The following CDH13 variants were observed in gnomAD, a reference collection of about 807,000 sequenced individuals.
The protein encoded by CDH13 is cadherin 13.
A neutral mutation model predicts 63.8 loss-of-function variants in CDH13; 24 were observed. The ratio of observed to expected loss-of-function variants is 0.38; its 90% CI spans 0.27 to 0.53. CDH13 has a LOEUF of 0.53. CDH13 is among the 20% of genes least tolerant of loss of function. The pLI is 0.85. For synonymous variants in CDH13, 503 were observed against 355.3 expected (o/e 1.42, Z -4.67); for missense variants, 1,049 against 903.1 (o/e 1.16, Z -2.07).
chr16:83,662,955 G>T (rs1323245746), intron 8 of CDH13, among the ~76,000 whole-genome samples: 2 of 152,140 alleles, frequency 1.3e-5, no homozygotes, highest in Non-Finnish European at 2.9e-5. Context: ...TTGTCTTTGA[G>T]TCCCAGAAAA....
chr16:83,092,753 G>C (rs1392057826), intron 3 of CDH13, among the ~76,000 whole-genome samples: 1 of 152,132 alleles, frequency 6.6e-6, no homozygotes, highest in Admixed American at 6.5e-5. Context: ...TTACCCCAAA[G>C]AGTAGGAAGC....
At chr16:82,999,137 T>C (rs1233065386) in intron 2 of CDH13, among the ~76,000 whole-genome samples, 2 of 152,186 alleles carry the variant, frequency 1.3e-5, no homozygotes, top group Non-Finnish European at 2.9e-5. Context: ...TATGTTACAT[T>C]CTTTGGACTT....
At chr16:83,345,688 A>G (rs186300527) in intron 6 of CDH13, among the ~76,000 whole-genome samples, 10 of 152,352 alleles carry the variant, frequency 6.6e-5, no homozygotes, top group African/African-American at 2.4e-4. Flanking sequence ...TCCCACAGCC[A>G]GCAGCTGAAG....
intron 1 of CDH13, among the ~76,000 whole-genome samples, chr16:82,810,736 C>T (rs530465696): frequency 2.0e-5 from 3 of 151,968 alleles, no homozygotes; most frequent in South Asian, 4.2e-4. Context: ...GTGGGTTTTG[C>T]GTGTGAAGAG....
intron 1 of CDH13, among the ~76,000 whole-genome samples, chr16:82,670,236 C>G (rs957353654): frequency 3.4e-4 from 51 of 152,200 alleles, no homozygotes; most frequent in African/African-American, 1.2e-3. Context: ...TTGCAAATCC[C>G]TAGTCGGAAC....
intron 1 of CDH13, among the ~76,000 whole-genome samples, chr16:82,676,486 C>CTTT (rs11330492): frequency 3.5e-4 from 34 of 96,316 alleles, no homozygotes; most frequent in East Asian, 6.7e-4. Context: ...ACCATCATTT[C>CTTT]TTTTTTTTTT....
intron 4 of CDH13, among the ~76,000 whole-genome samples, chr16:83,198,096 T>C (rs181376491): frequency 1.4e-4 from 22 of 152,304 alleles, no homozygotes; most frequent in Admixed American, 1.2e-3. Flanking sequence ...CAGTAGGACA[T>C]TGAGCATCTT....
intron 5 of CDH13, among the ~76,000 whole-genome samples, chr16:83,244,063 A>C (rs11150559): frequency 0.33 from 50,841 of 151,852 alleles, 9,377 homozygotes; most frequent in African/African-American, 0.48. Context: ...CCAAAATTAG[A>C]AACATACATA....
intron 5 of CDH13, among the ~76,000 whole-genome samples, chr16:83,247,953 G>A (rs1477310695): frequency 6.6e-6 from 1 of 152,150 alleles, no homozygotes; most frequent in Non-Finnish European, 1.5e-5. Context: ...CTCTGTTTCT[G>A]CACGCTCCAT....
At chr16:83,041,608 G>A (rs1225806599) in intron 3 of CDH13, among the ~76,000 whole-genome samples, 1 of 152,276 alleles carries the variant, frequency 6.6e-6, no homozygotes, top group East Asian at 1.9e-4. Context: ...TAAGTACCTT[G>A]AGGAAAACCT....
At chr16:83,321,502 T>A (rs957747354) in intron 5 of CDH13, among the ~76,000 whole-genome samples, 4 of 151,614 alleles carry the variant, frequency 2.6e-5, no homozygotes, top group Non-Finnish European at 5.9e-5. Flanking sequence ...CATTTTTTTT[T>A]CTGGAAAATA....
intron 5 of CDH13, among the ~76,000 whole-genome samples, chr16:83,255,130 A>T (rs1038421846): frequency 1.1e-4 from 17 of 152,146 alleles, no homozygotes; most frequent in African/African-American, 3.9e-4. Flanking sequence ...ATTTTTAATA[A>T]AAAAATACTG....
At chr16:83,713,052 C>T (rs1908303158) in intron 10 of CDH13, among the ~76,000 whole-genome samples, 1 of 152,176 alleles carries the variant, frequency 6.6e-6, no homozygotes. Flanking sequence ...ATGATCTGAG[C>T]ACTTTAGGCC....
intron 10 of CDH13, among the ~76,000 whole-genome samples, chr16:83,703,210 A>T (rs149964399): frequency 6.6e-6 from 1 of 152,228 alleles, no homozygotes; most frequent in Non-Finnish European, 1.5e-5. Flanking sequence ...TGCAGTATGT[A>T]TTAACTTTTT....
chr16:83,141,026 T>G (rs1217001757), intron 4 of CDH13, among the ~76,000 whole-genome samples: 1 of 152,248 alleles, frequency 6.6e-6, no homozygotes, highest in Non-Finnish European at 1.5e-5. Flanking sequence ...CCAGAGTCAC[T>G]GAAGTATCCA....
At chr16:83,492,911 A>G (rs899797468) in intron 7 of CDH13, among the ~76,000 whole-genome samples, 6 of 152,198 alleles carry the variant, frequency 3.9e-5, no homozygotes, top group African/African-American at 1.4e-4. Flanking sequence ...CAATCCATTA[A>G]AGCTAAGACC....
At chr16:83,621,361 C>A (rs1057405776) in intron 8 of CDH13, among the ~76,000 whole-genome samples, 1 of 151,736 alleles carries the variant, frequency 6.6e-6, no homozygotes, top group Admixed American at 6.6e-5. Context: ...TCTTGTTACA[C>A]TTGTGCACCA....
At chr16:83,725,149 A>G (rs1386820261) in intron 10 of CDH13, among the ~76,000 whole-genome samples, 1 of 152,238 alleles carries the variant, frequency 6.6e-6, no homozygotes, top group African/African-American at 2.4e-5. Context: ...AGAAAGGCAC[A>G]TCAGTCAAAG....
chr16:82,710,294 T>C (rs180779801), intron 1 of CDH13, among the ~76,000 whole-genome samples: 323 of 145,766 alleles, frequency 2.2e-3, no homozygotes, highest in Non-Finnish European at 3.5e-3. Flanking sequence ...TTATATATAA[T>C]AGGTGGAGGC....
Sources: gnomAD v4.1 joint callset for allele counts (sites outside exome capture counted in the v4.1 genomes callset) on GRCh38, gnomAD v4.1.1 for gene constraint, MANE v1.5 for transcripts, NCBI Gene and HGNC (gene_info 2026-07-23, HGNC 2026-07-21) for gene names.